The following DPP6 variants were observed in gnomAD, a reference collection of about 807,000 sequenced individuals.
The protein encoded by DPP6 is dipeptidyl peptidase like 6.
In DPP6, 69 loss-of-function variants were observed where a neutral mutation model predicts 122.6. That is an observed-to-expected ratio of 0.56 (90% CI 0.46 to 0.69). The LOEUF is 0.69. Among genes scored for constraint, DPP6 ranks in the 30% least tolerant of loss-of-function variants. The pLI is 0.00. For missense variants in DPP6, 928 were observed against 1,116.9 expected, an observed-to-expected ratio of 0.83 and a Z score of 2.41; for synonymous variants, 418 against 433.1, an observed-to-expected ratio of 0.97 and a Z score of 0.43.
chr7:154,273,433 T>C (rs1585799412), intron 1 of DPP6, among the ~76,000 whole-genome samples: 1 of 152,338 alleles, frequency 6.6e-6, no homozygotes, highest in South Asian at 2.1e-4. Flanking sequence ...AAGACACGCT[T>C]ACTCTCACCA....
chr7:154,765,226 G>A (rs763948534), intron 8 of DPP6, among the ~76,000 whole-genome samples: 4 of 152,158 alleles, frequency 2.6e-5, no homozygotes, highest in Non-Finnish European at 5.9e-5. Context: ...ACCAGAATGT[G>A]CACCAAACTC....
intron 1 of DPP6, among the ~76,000 whole-genome samples, chr7:154,424,402 G>A (rs1466004166): frequency 6.6e-6 from 1 of 152,174 alleles, no homozygotes; most frequent in South Asian, 2.1e-4. Context: ...CCTTCTGGAG[G>A]CTCCAGCAGG....
At chr7:154,378,573 G>C (rs1813319092) in intron 1 of DPP6, among the ~76,000 whole-genome samples, 1 of 152,134 alleles carries the variant, frequency 6.6e-6, no homozygotes, top group African/African-American at 2.4e-5. Context: ...CCTTCTTGTT[G>C]TAGCCTTACA....
intron 2 of DPP6, among the ~76,000 whole-genome samples, chr7:154,451,735 A>G (rs558134783): frequency 5.1e-4 from 78 of 152,380 alleles, no homozygotes; most frequent in African/African-American, 1.8e-3. Context: ...TGAATTCCAG[A>G]GAAGGCTTTG....
chr7:154,867,792 T>C, intron 17 of DPP6, among the ~76,000 whole-genome samples: 1 of 152,120 alleles, frequency 6.6e-6, no homozygotes, highest in Admixed American at 6.5e-5. Flanking sequence ...CCACCCAAAT[T>C]CCAGATTTGA....
At position 154,833,737 on chromosome 7, in the gene DPP6, G is replaced by A. The variant is rs1800815540; in HGVS notation, c.1667-20043G>A. The stretch of plus-strand genomic sequence containing the variant: ...AAATTCACATAGCCACCAGTTAATA[G>A]CAGCTGATGAGTTTCCATTCTGTGC... On this transcript the variant is annotated intron_variant, in intron 16 of 25. Transcript: ENST00000377770. The surrounding 1 kb of genome is among the most constrained non-coding windows in gnomAD (Gnocchi z 4.3). Among the ~76,000 whole-genome samples, 1 of 152,202 alleles carries A rather than the reference G, an allele frequency of 6.6e-6. No individual in the cohort carries two copies. The highest frequency in any genetic ancestry group is 2.4e-5 in the African/African-American group (1 of 41,458).
the DPP6 span, among the ~76,000 whole-genome samples, chr7:153,767,758 C>T: frequency 2.0e-5 from 3 of 152,148 alleles, no homozygotes; most frequent in East Asian, 5.8e-4. Flanking sequence ...ACAAGAATAG[C>T]TCAAATGCCA....
chr7:154,510,004 AAATT>A (rs1197692951), intron 3 of DPP6, among the ~76,000 whole-genome samples: 9 of 152,212 alleles, frequency 5.9e-5, no homozygotes. Flanking sequence ...GAATATTCTA[AAATT>A]AATTATGATG....
At chr7:154,718,634 C>CTTTT (rs542191130) in intron 7 of DPP6, among the ~76,000 whole-genome samples, 1 of 111,478 alleles carries the variant, frequency 9.0e-6, no homozygotes, top group Non-Finnish European at 1.7e-5. Flanking sequence ...CTTCCTCCTC[C>CTTTT]TTTTTTTTTT....
intron 1 of DPP6, among the ~76,000 whole-genome samples, chr7:154,407,931 C>G (rs1222281384): frequency 1.3e-5 from 2 of 152,172 alleles, no homozygotes; most frequent in Admixed American, 1.3e-4. Flanking sequence ...TCTAAGCAAC[C>G]TTGTGCAAGA....
At chr7:154,193,710 G>C (rs990899312) in intron 1 of DPP6, among the ~76,000 whole-genome samples, 1 of 152,064 alleles carries the variant, frequency 6.6e-6, no homozygotes, top group Non-Finnish European at 1.5e-5. Context: ...TGGAAGCCTG[G>C]GTGACAGGTA....
At chr7:154,702,443 G>T (rs1010331068) in intron 7 of DPP6, among the ~76,000 whole-genome samples, 2 of 152,246 alleles carry the variant, frequency 1.3e-5, no homozygotes, top group Admixed American at 1.3e-4. Context: ...TGAAGGCAAA[G>T]GAAAAGTCTT....
At chr7:154,668,194 A>ATT (rs1408895829) in intron 6 of DPP6, among the ~76,000 whole-genome samples, 21 of 22,920 alleles carry the variant, frequency 9.2e-4, no homozygotes, top group East Asian at 2.7e-3. Flanking sequence ...CTATGTGTAT[A>ATT]TTTTATATAT....
At chr7:154,358,240 G>A (rs546053620) in intron 1 of DPP6, among the ~76,000 whole-genome samples, 1 of 152,154 alleles carries the variant, frequency 6.6e-6, no homozygotes, top group African/African-American at 2.4e-5. Context: ...TGCAGCCTAG[G>A]TCAGTGTAAG....
At chr7:154,207,112 G>A (rs1386767351) in intron 1 of DPP6, among the ~76,000 whole-genome samples, 1 of 141,968 alleles carries the variant, frequency 7.0e-6, no homozygotes, top group Non-Finnish European at 1.6e-5. Flanking sequence ...AGATGAAAAT[G>A]TGGAATATTG....
intron 16 of DPP6, among the ~76,000 whole-genome samples, chr7:154,827,994 G>A (rs1184396564): frequency 6.6e-6 from 1 of 152,158 alleles, no homozygotes; most frequent in African/African-American, 2.4e-5. Flanking sequence ...CGTGGTGCTG[G>A]ACTGGAACTG....
chr7:154,653,250 A>G (rs959826052), intron 6 of DPP6, among the ~76,000 whole-genome samples: 2 of 152,238 alleles, frequency 1.3e-5, no homozygotes, highest in Non-Finnish European at 2.9e-5. Flanking sequence ...ACAGCTCGGG[A>G]GACCAAGGTA....
At chr7:153,912,371 C>T (rs77715250) in intron 1 of DPP6, among the ~76,000 whole-genome samples, 28 of 152,238 alleles carry the variant, frequency 1.8e-4, no homozygotes, top group African/African-American at 5.5e-4. Context: ...ACCCAGGGAG[C>T]GAGAGCTTCA....
intron 17 of DPP6, chr7:154,865,201 T>C (rs1803755302): frequency 6.6e-6 from 1 of 152,246 alleles, no homozygotes; most frequent in Non-Finnish European, 1.5e-5. Flanking sequence ...AGCCCATCTC[T>C]GTTCTCATTG....
Sources: allele counts gnomAD v4.1 joint callset (sites outside exome capture counted in the v4.1 genomes callset), GRCh38; gene constraint gnomAD v4.1.1; non-coding constraint Gnocchi (gnomAD v3.1); transcripts MANE v1.5; gene names NCBI Gene and HGNC (gene_info 2026-07-23, HGNC 2026-07-21).